Variants in MYO5C observed in about 807,000 individuals in gnomAD.
The protein encoded by MYO5C is unconventional myosin-Vc.
In MYO5C, 194 loss-of-function variants were observed where a neutral mutation model predicts 235.7. The ratio of observed to expected loss-of-function variants is 0.82; its 90% CI spans 0.73 to 0.93. The LOEUF is 0.93. Among genes scored for constraint, MYO5C ranks in the 40% least tolerant of loss-of-function variants. The probability of loss-of-function intolerance (pLI) is 0.00; values close to 1 mark genes in which losing one functional copy is unlikely to be tolerated. For synonymous variants in MYO5C, 707 were observed against 754.8 expected (o/e 0.94, Z 1.04); for missense variants, 2,038 against 2,127.2 (o/e 0.96, Z 0.82).
rs576519315 is a variant in MYO5C, at chr15:52,237,925, C to G, written c.2704-279G>C. 8.4e-3 allele frequency among the ~76,000 whole-genome samples: 1,271 copies of G among 150,694 alleles called. 15 individuals are homozygous for G. The highest frequency in any genetic ancestry group is 0.029 in the African/African-American group (1,201 of 41,224). On this transcript the variant is annotated intron_variant, in intron 21 of 40. Coordinates refer to ENST00000261839, the MANE Select transcript of MYO5C (RefSeq NM_018728.4). ...CCCTAGTGTTATGAACTGTGCCCCC[C>G]GCCAAAATTCATTTGTTGAAGTCCT...
intron 15 of MYO5C, 105 bp downstream of exon 15, chr15:52,247,353 C>T (rs948395358): frequency 3.7e-5 from 47 of 1,287,328 alleles, no homozygotes; most frequent in Admixed American, 2.0e-4. Context: ...AGAGCCCCAG[C>T]GTCTGTCCAT....
In MYO5C at chr15:52,224,531, T is replaced by C. The variant is rs374849298; in HGVS notation, c.3446+370A>G. Reference sequence around the variant, plus strand: ...CAGGGATATATGGGAACTCTCTGTATTTCTGCTCAACTTTGATGTGAACCT... The same window carrying C: ...CAGGGATATATGGGAACTCTCTGTACTTCTGCTCAACTTTGATGTGAACCT... On this transcript the variant is annotated intron_variant, in intron 28 of 40. Transcript: ENST00000261839. Among the ~76,000 whole-genome samples, 12 of 152,204 alleles carry C rather than the reference T, an allele frequency of 7.9e-5. 1 individual carries two copies. The highest frequency in any genetic ancestry group is 1.3e-4 in the Admixed American group (2 of 15,278).
intron 21 of MYO5C, among the ~76,000 whole-genome samples, chr15:52,239,432 C>T (rs568830229): frequency 2.0e-5 from 3 of 151,676 alleles, no homozygotes; most frequent in East Asian, 1.9e-4. Flanking sequence ...TTAGGAGGTA[C>T]CTTTGCCTCA....
At chr15:52,277,607 C>G (rs528968103) in intron 4 of MYO5C, among the ~76,000 whole-genome samples, 25 of 152,288 alleles carry the variant, frequency 1.6e-4, no homozygotes, top group African/African-American at 5.8e-4. Context: ...GTTAGAAGTG[C>G]TTTGTGGGGC....
At chr15:52,230,903 T>C (rs1186612903) in intron 24 of MYO5C, among the ~76,000 whole-genome samples, 5 of 142,332 alleles carry the variant, frequency 3.5e-5, no homozygotes, top group African/African-American at 5.2e-5. Context: ...TCTCAGCTCA[T>C]TGAAACCTCC....
At position 52,251,535 on chromosome 15, in the gene MYO5C, CA is replaced by C. The variant is rs745929485; in HGVS notation, c.1537-21del. The C allele has an allele frequency of 7.0e-6, 11 of 1,577,400 alleles. No individual in the cohort carries two copies. The South Asian group carries it at 1.2e-4, about 17-fold the overall frequency. ...TGGTAACTGGAAAAGAAAAATAAAC[CA>C]AATAGCAAGTAAGAAAACCAGAGAT... On this transcript the variant is annotated intron_variant, in intron 12 of 40. Transcript: ENST00000261839.
At chr15:52,238,522 A>G (rs553973449) in intron 21 of MYO5C, among the ~76,000 whole-genome samples, 9 of 152,250 alleles carry the variant, frequency 5.9e-5, no homozygotes, top group Non-Finnish European at 1.2e-4. Context: ...TCACCTTAGG[A>G]GAGCCTCAGA....
intron 5 of MYO5C, among the ~76,000 whole-genome samples, chr15:52,274,533 C>G (rs1363683785): frequency 1.3e-5 from 2 of 152,150 alleles, no homozygotes; most frequent in Non-Finnish European, 2.9e-5. Context: ...CCCACCTCAG[C>G]CTCCCAAAGT....
intron 10 of MYO5C, among the ~76,000 whole-genome samples, chr15:52,258,073 G>C (rs929494655): frequency 2.0e-5 from 3 of 152,198 alleles, no homozygotes; most frequent in African/African-American, 7.2e-5. Context: ...GAGCTCTGCA[G>C]CTCACAGCTG....
At chr15:52,239,994 A>T in intron 20 of MYO5C, 115 bp from the exon 21 acceptor site, 1 of 1,087,312 alleles carries the variant, frequency 9.2e-7, no homozygotes, top group Non-Finnish European at 1.3e-6. Flanking sequence ...TCTTCTTGTC[A>T]ACCTGCACAG....
intron 3 of MYO5C, 52 bp downstream of exon 3, chr15:52,279,457 G>T: frequency 6.4e-7 from 1 of 1,573,096 alleles, no homozygotes; most frequent in Non-Finnish European, 8.7e-7. Flanking sequence ...GCTCTAGACA[G>T]CAAGCTTACA....
Position 52,204,912 on chromosome 15 carries a change from G to A in MYO5C, c.4773C>T (p.Leu1591=), listed in dbSNP as rs1400318393. 1.2e-6 allele frequency: 2 copies of A among 1,614,248 alleles called. No individual in the cohort carries two copies. Among genetic ancestry groups the A allele is most frequent in the Admixed American group, 1.7e-5 (1 of 60,032 alleles). The change falls in exon 38 of 41, where the codon CTC becomes CTT. Residue 1591 remains leucine (L), a synonymous_variant. Coordinates refer to ENST00000261839, the MANE Select transcript of MYO5C (RefSeq NM_018728.4). ...AGGAGCACATGTCCTTGCGCAGGAA[G>A]AGGCTGTTCAGCGTGACCGCCCCGA... is the stretch of plus-strand genomic sequence containing the variant. ...FLIGAVTLNS[L]FLRKDMCSCR...
intron 1 of MYO5C, among the ~76,000 whole-genome samples, chr15:52,285,365 T>C (rs769335834): frequency 7.0e-6 from 1 of 142,388 alleles, no homozygotes; most frequent in Non-Finnish European, 1.5e-5. Flanking sequence ...TGAAACTCTG[T>C]CTCAAATGAA....
intron 16 of MYO5C, 114 bp downstream of exon 16, chr15:52,246,803 T>TAA: frequency 3.1e-5 from 23 of 748,622 alleles, no homozygotes; most frequent in Admixed American, 5.9e-5. Context: ...TCTGAATCAT[T>TAA]AAAAAAAAAC....
chr15:52,291,731 G>GTTTTTT (rs1196328559), intron 1 of MYO5C, among the ~76,000 whole-genome samples: 958 of 52,478 alleles, frequency 0.018, 283 homozygotes, highest in Middle Eastern at 0.094. Flanking sequence ...CATATTTTAT[G>GTTTTTT]TTTTTTTTTT....
chr15:52,245,345 G>T lies in MYO5C; in HGVS notation c.2178+9C>A, dbSNP rs752898187. The T allele has an allele frequency of 1.9e-6, 3 of 1,586,558 alleles. No homozygotes were observed. The highest frequency in any genetic ancestry group is 2.7e-5 in the African/African-American group (2 of 74,368). ...GGAGACCATGATCCCAGGAGGTGGG[G>T]AAACTGACCTGGATGAGTCTGTGTA... On this transcript the variant is annotated intron_variant, in intron 18 of 40. Coordinates refer to ENST00000261839, the MANE Select transcript of MYO5C (RefSeq NM_018728.4).
intron 5 of MYO5C, among the ~76,000 whole-genome samples, chr15:52,274,190 GC>G (rs1279855119): frequency 2.4e-4 from 36 of 152,214 alleles, no homozygotes; most frequent in Admixed American, 2.2e-3. Context: ...ATACAGTCCC[GC>G]CTTCATGGAG....
intron 25 of MYO5C, among the ~76,000 whole-genome samples, chr15:52,226,222 T>C (rs1055349062): frequency 4.6e-5 from 7 of 152,226 alleles, no homozygotes; most frequent in African/African-American, 1.7e-4. Context: ...AGTTGCCACC[T>C]TCATAACTGT....
intron 38 of MYO5C, 71 bp downstream of exon 38, chr15:52,204,794 G>C: frequency 6.5e-7 from 1 of 1,541,116 alleles, no homozygotes; most frequent in East Asian, 2.3e-5. Context: ...GGTCAGGCGC[G>C]TGGGGCCTCG....
Sources: gnomAD v4.1 joint callset for allele counts (sites outside exome capture counted in the v4.1 genomes callset) on GRCh38, gnomAD v4.1.1 for gene constraint, MANE v1.5 for transcripts, NCBI Gene and HGNC (gene_info 2026-07-23, HGNC 2026-07-21) for gene names.